ANK2: variants seen among roughly 807,000 people sequenced by gnomAD.
ANK2 encodes ankyrin 2, also known as ankyrin-2.
A neutral mutation model predicts 360.5 loss-of-function variants in ANK2; 83 were observed. The ratio of observed to expected loss-of-function variants is 0.23; its 90% CI spans 0.19 to 0.28. The LOEUF (loss-of-function observed/expected upper bound fraction) is 0.28. Among genes scored for constraint, ANK2 ranks in the 10% least tolerant of loss-of-function variants. The probability of loss-of-function intolerance (pLI) is 1.00; values close to 1 mark genes in which losing one functional copy is unlikely to be tolerated. For missense variants in ANK2, 4,201 were observed against 4,795.7 expected, an observed-to-expected ratio of 0.88 and a Z score of 3.66; for synonymous variants, 1,740 against 1,759.5, an observed-to-expected ratio of 0.99 and a Z score of 0.28.
chr4:112,989,922 GAA>G (rs1481138899), intron 2 of ANK2, among the ~76,000 whole-genome samples: 1 of 152,072 alleles, frequency 6.6e-6, no homozygotes, highest in East Asian at 1.9e-4. Flanking sequence ...AGCTCAATAG[GAA>G]TTGTTGAAAT....
chr4:112,930,499 C>T (rs2093088376), intron 2 of ANK2, among the ~76,000 whole-genome samples: 3 of 150,934 alleles, frequency 2.0e-5, no homozygotes, highest in African/African-American at 7.3e-5. Flanking sequence ...AGGAGTGCTA[C>T]CTCTACCCAG....
the ANK2 span, among the ~76,000 whole-genome samples, chr4:112,742,641 C>G: frequency 6.6e-6 from 1 of 151,990 alleles, no homozygotes; most frequent in Non-Finnish European, 1.5e-5. Context: ...AGAAAAGTCC[C>G]CTAAAATGAA....
At chr4:113,043,631 T>C (rs2063521611) in intron 2 of ANK2, among the ~76,000 whole-genome samples, 1 of 152,138 alleles carries the variant, frequency 6.6e-6, no homozygotes, top group Non-Finnish European at 1.5e-5. Context: ...GTTATCTTTA[T>C]ATTCCATATC....
chr4:112,911,115 GC>G (rs2087105731), intron 2 of ANK2, among the ~76,000 whole-genome samples: 1 of 148,010 alleles, frequency 6.8e-6, no homozygotes, highest in South Asian at 2.1e-4. Flanking sequence ...GAGCCACCAT[GC>G]CCAGCTAATT....
intron 2 of ANK2, among the ~76,000 whole-genome samples, chr4:113,003,091 G>A (rs1180243277): frequency 6.6e-6 from 1 of 152,128 alleles, no homozygotes; most frequent in Non-Finnish European, 1.5e-5. Flanking sequence ...AGACCTGTGT[G>A]TTTTATTGTA....
chr4:112,905,527 C>T (rs548478892), intron 2 of ANK2, among the ~76,000 whole-genome samples: 1 of 152,230 alleles, frequency 6.6e-6, no homozygotes, highest in East Asian at 1.9e-4. Flanking sequence ...AAATTTTATC[C>T]TCTTTGAATG....
chr4:113,224,970 T>A (rs1478176323), intron 4 of ANK2, among the ~76,000 whole-genome samples: 1 of 152,002 alleles, frequency 6.6e-6, no homozygotes. Flanking sequence ...GTAATTTCTC[T>A]TACTGTTCTT....
intron 2 of ANK2, among the ~76,000 whole-genome samples, chr4:112,973,130 CTG>C (rs2040170444): frequency 1.3e-5 from 2 of 150,300 alleles, no homozygotes; most frequent in East Asian, 3.9e-4. Context: ...AAGAACTTAT[CTG>C]TGTAACCAAA....
At position 113,358,578 on chromosome 4, in the gene ANK2, G is replaced by A; in HGVS notation, c.9960G>A (p.Glu3320=). 6.2e-7 allele frequency: 1 copy of A among 1,614,088 alleles called. No homozygotes were observed. The highest frequency in any genetic ancestry group is 1.1e-5 in the South Asian group (1 of 91,078). Residue 3320 remains glutamate (E), a synonymous_variant, in exon 38 of 46, where the codon GAG becomes GAA. Transcript: ENST00000357077. The stretch of plus-strand genomic sequence containing the variant: ...CCACCCCAGCACCTCCATCTGCAGA[G>A]TATGAGAGTTCAGTTTCTGAAGATT... ...PTSTPAPPSA[E]YESSVSEDFL... is the part of the protein sequence containing the mutation.
chr4:113,018,909 C>T (rs942181544), intron 2 of ANK2, among the ~76,000 whole-genome samples: 3 of 152,148 alleles, frequency 2.0e-5, no homozygotes, highest in African/African-American at 7.2e-5. Flanking sequence ...CTGTGGTCAT[C>T]TAATATGCTT....
the ANK2 span, among the ~76,000 whole-genome samples, chr4:112,751,986 T>C: frequency 6.6e-6 from 1 of 152,220 alleles, no homozygotes; most frequent in Non-Finnish European, 1.5e-5. Context: ...GCTTGGAGCA[T>C]GCTCTGGTGT....
chr4:112,872,907 A>G (rs2073753090), intron 1 of ANK2, among the ~76,000 whole-genome samples: 1 of 152,036 alleles, frequency 6.6e-6, no homozygotes, highest in Non-Finnish European at 1.5e-5. Flanking sequence ...GTTGTTATGC[A>G]TGTATTCAGA....
chr4:112,987,508 T>C (rs1404689892), intron 2 of ANK2, among the ~76,000 whole-genome samples: 4 of 151,976 alleles, frequency 2.6e-5, no homozygotes, highest in Non-Finnish European at 5.9e-5. Flanking sequence ...TGACAAGTCT[T>C]TGGAGAAGGG....
At chr4:112,938,311 T>C (rs1452785278) in intron 2 of ANK2, among the ~76,000 whole-genome samples, 1 of 152,206 alleles carries the variant, frequency 6.6e-6, no homozygotes, top group Non-Finnish European at 1.5e-5. Context: ...AGCTAGGACT[T>C]GAACACACAT....
chr4:113,104,210 T>C (rs1340955946), intron 1 of ANK2, among the ~76,000 whole-genome samples: 3 of 151,990 alleles, frequency 2.0e-5, no homozygotes, highest in Non-Finnish European at 4.4e-5. Context: ...GTTGTTGCTG[T>C]TGTTGTTTTC....
chr4:113,105,139 A>G (rs1322306927), intron 1 of ANK2, among the ~76,000 whole-genome samples: 3 of 152,214 alleles, frequency 2.0e-5, no homozygotes, highest in African/African-American at 7.2e-5. Flanking sequence ...GCAGTTGGTC[A>G]TAGGCAAATT....
chr4:113,097,876 GCACACACACACACACGCACACACA>G (rs2091851100), intron 1 of ANK2, among the ~76,000 whole-genome samples: 4 of 105,940 alleles, frequency 3.8e-5, no homozygotes, highest in African/African-American at 1.2e-4. Context: ...GTATATATAT[GCACACACACACACACGCACACACA>G]CATATATATG....
At chr4:112,721,257 T>C in the ANK2 span, among the ~76,000 whole-genome samples, 1 of 152,112 alleles carries the variant, frequency 6.6e-6, no homozygotes, top group African/African-American at 2.4e-5. Context: ...TTGGCTGCCC[T>C]AGCCGGGCAT....
intron 2 of ANK2, among the ~76,000 whole-genome samples, chr4:112,986,053 A>G (rs1384348834): frequency 1.5e-5 from 2 of 133,920 alleles, no homozygotes; most frequent in Non-Finnish European, 3.2e-5. Flanking sequence ...ATATAAAATT[A>G]TATATAAAAT....
Sources: allele counts gnomAD v4.1 joint callset (sites outside exome capture counted in the v4.1 genomes callset), GRCh38; gene constraint gnomAD v4.1.1; transcripts MANE v1.5; gene names NCBI Gene and HGNC (gene_info 2026-07-23, HGNC 2026-07-21).